Variants in OPTC observed in about 807,000 individuals in gnomAD.
OPTC encodes the protein opticin.
OPTC carries 22 observed loss-of-function variants against 25.4 expected under a neutral mutation model. That is an observed-to-expected ratio of 0.87 (90% CI 0.62 to 1.24). The LOEUF is 1.24. Among genes scored for constraint, OPTC ranks in the 50% most tolerant of loss-of-function variants. OPTC has a pLI of 0.00. For synonymous variants in OPTC, 169 were observed against 179.3 expected, an observed-to-expected ratio of 0.94 and a Z score of 0.46; for missense variants, 417 against 425.2, an observed-to-expected ratio of 0.98 and a Z score of 0.17.
chr1:203,503,801 C>G (rs1346742408), intron 7 of OPTC, 56 bp downstream of exon 7: 1 of 1,450,784 alleles, frequency 6.9e-7, no homozygotes. Flanking sequence ...AAGCCCAATT[C>G]CTTATCTTTA....
Position 203,497,123 on chromosome 1 carries a change from C to T in OPTC, c.370+8C>T. 3.7e-6 allele frequency: 6 copies of T among 1,613,928 alleles called. No homozygotes were observed. The highest frequency in any genetic ancestry group is 5.1e-6 in the Non-Finnish European group (6 of 1,179,956). ...GTTCCCAGCCCAACCATGGTAAGTGCACAGTCACATGGTCGCAATATCCCT... is the reference window on the plus strand; with the variant it reads ...GTTCCCAGCCCAACCATGGTAAGTGTACAGTCACATGGTCGCAATATCCCT... On this transcript the variant is annotated splice_region_variant and intron_variant, in intron 3 of 7. Coordinates refer to ENST00000367222, the MANE Select transcript of OPTC (RefSeq NM_014359.4).
chr1:203,498,919 G>C, intron 4 of OPTC, 80 bp downstream of exon 4: 1 of 1,483,670 alleles, frequency 6.7e-7, no homozygotes, highest in East Asian at 2.3e-5. Context: ...CCAACACTGT[G>C]TTAGTGCCCC....
At chr1:203,506,286 G>C (rs1558241070) in intron 7 of OPTC, among the ~76,000 whole-genome samples, 1 of 151,530 alleles carries the variant, frequency 6.6e-6, no homozygotes, top group African/African-American at 2.4e-5. Context: ...TGAGTAGCTG[G>C]GATTACAGGC....
At chr1:203,507,383 AG>A (rs1338994211) in intron 7 of OPTC, among the ~76,000 whole-genome samples, 1 of 152,198 alleles carries the variant, frequency 6.6e-6, no homozygotes, top group East Asian at 1.9e-4. Flanking sequence ...CACGGCAGCT[AG>A]CTTGAGGGCC....
intron 5 of OPTC, among the ~76,000 whole-genome samples, chr1:203,501,299 C>T (rs994193732): frequency 2.6e-5 from 4 of 152,174 alleles, no homozygotes; most frequent in African/African-American, 7.2e-5. Flanking sequence ...TGGGGTTTCA[C>T]CATGTTGGCC....
intron 7 of OPTC, among the ~76,000 whole-genome samples, chr1:203,505,949 A>T (rs28676555): frequency 0.16 from 23,023 of 141,546 alleles, 1,868 homozygotes; most frequent in East Asian, 0.33. Flanking sequence ...TCTCTCTCTC[A>T]GAGTGTGTGT....
At chr1:203,497,193 A>T (rs1335415787) in intron 3 of OPTC, 78 bp downstream of exon 3, 3 of 1,541,410 alleles carry the variant, frequency 1.9e-6, no homozygotes, top group Non-Finnish European at 2.7e-6. Context: ...GGGGGTACCA[A>T]AGTGGAACGT....
At chr1:203,507,629 C>G (rs796365017) in intron 7 of OPTC, among the ~76,000 whole-genome samples, 1 of 152,202 alleles carries the variant, frequency 6.6e-6, no homozygotes, top group Non-Finnish European at 1.5e-5. Context: ...CCTAACCTGT[C>G]CTATGAGTAT....
intron 1 of OPTC, among the ~76,000 whole-genome samples, chr1:203,494,731 G>T (rs192556477): frequency 6.6e-6 from 1 of 152,170 alleles, no homozygotes; most frequent in African/African-American, 2.4e-5. Flanking sequence ...AACTTGTGCA[G>T]CTAGCTTTGG....
intron 7 of OPTC, among the ~76,000 whole-genome samples, chr1:203,507,334 G>A (rs547360525): frequency 1.0e-3 from 153 of 152,352 alleles, no homozygotes; most frequent in Admixed American, 2.0e-3. Flanking sequence ...AGAGTACAAA[G>A]GAAGGGAGTG....
chr1:203,499,882 C>G (rs1558237969), intron 5 of OPTC, 31 bp downstream of exon 5: 2 of 1,565,968 alleles, frequency 1.3e-6, no homozygotes. Flanking sequence ...CACTATCTAT[C>G]ACCTCCACCA....
intron 1 of OPTC, 111 bp from the exon 2 acceptor site, chr1:203,495,854 T>C: frequency 1.5e-6 from 1 of 680,738 alleles, no homozygotes; most frequent in South Asian, 1.6e-5. Flanking sequence ...ATGAGAGCAC[T>C]GAGTCTGCAA....
intron 7 of OPTC, among the ~76,000 whole-genome samples, chr1:203,504,991 A>T (rs1401039669): frequency 6.6e-6 from 1 of 152,200 alleles, no homozygotes; most frequent in African/African-American, 2.4e-5. Flanking sequence ...TTGTTCCTTG[A>T]GTTAGAAGGG....
chr1:203,503,535 A>G lies in OPTC; in HGVS notation c.829-15A>G. On this transcript the variant is annotated splice_polypyrimidine_tract_variant and intron_variant, in intron 6 of 7. Transcript: ENST00000367222. ...AGCCTCTTGGTGAGGCTCAGCTGGT[A>G]TGTGTTCTTCCCAGAATAACCTGAT... is the stretch of plus-strand genomic sequence containing the variant. The G allele has an allele frequency of 6.2e-7, 1 of 1,612,956 alleles. No homozygotes were observed.
At chr1:203,497,191 C>T in intron 3 of OPTC, 76 bp downstream of exon 3, 1 of 1,543,696 alleles carries the variant, frequency 6.5e-7, no homozygotes, top group South Asian at 1.1e-5. Context: ...CAGGGGGTAC[C>T]AAAGTGGAAC....
intron 2 of OPTC, 50 bp from the exon 3 acceptor site, chr1:203,496,927 C>A (rs768947811): frequency 6.2e-7 from 1 of 1,608,500 alleles, no homozygotes; most frequent in East Asian, 2.2e-5. Context: ...AAAGTTAAGT[C>A]CCTTTTGTGC....
intron 3 of OPTC, among the ~76,000 whole-genome samples, chr1:203,497,651 C>A (rs532356245): frequency 6.6e-6 from 1 of 152,204 alleles, no homozygotes; most frequent in East Asian, 1.9e-4. Flanking sequence ...CAGAAGTGGG[C>A]AGAGGAGGGG....
chr1:203,495,840 T>G (rs1439436335), intron 1 of OPTC, 125 bp from the exon 2 acceptor site: 1 of 660,586 alleles, frequency 1.5e-6, no homozygotes, highest in African/African-American at 1.8e-5. Flanking sequence ...AATTTGTGCA[T>G]GTGATGAGAG....
rs766007465 is a variant in OPTC at position 203,498,738 on chromosome 1, TTGACCTA to T, written c.429_435del (p.Ile143MetfsTer32). On this transcript the variant is annotated frameshift_variant, in exon 4 of 8. Coordinates refer to ENST00000367222, the MANE Select transcript of OPTC (RefSeq NM_014359.4). LOFTEE classifies it high-confidence loss of function. ...GGTTCCTCTGTGTATTGCGATGACA[TTGACCTA>T]GAGGACATTCCTCCTCTTCCTCGGA... The T allele has an allele frequency of 1.2e-6, 2 of 1,614,192 alleles. No homozygotes were observed. Among genetic ancestry groups the T allele is most frequent in the Non-Finnish European group, 1.7e-6 (2 of 1,180,030 alleles).
Sources: gnomAD v4.1 joint callset for allele counts (sites outside exome capture counted in the v4.1 genomes callset) on GRCh38, gnomAD v4.1.1 for gene constraint, MANE v1.5 for transcripts, NCBI Gene and HGNC (gene_info 2026-07-23, HGNC 2026-07-21) for gene names.